Variants in CDH1 observed in about 807,000 individuals in gnomAD.
CDH1 encodes the protein cadherin 1, also known as cadherin-1.
CDH1 carries 35 observed loss-of-function variants against 84.5 expected under a neutral mutation model. The observed-to-expected ratio is 0.41, with a 90% confidence interval of 0.32 to 0.55. The LOEUF (loss-of-function observed/expected upper bound fraction) is 0.55, where lower values mean the gene tolerates loss of function less well. CDH1 is among the 20% of genes least tolerant of loss of function. The pLI is 0.19. For synonymous variants in CDH1, 417 were observed against 439.0 expected (o/e 0.95, Z 0.63); for missense variants, 994 against 1,126.6 (o/e 0.88, Z 1.68).
At chr16:68,760,085 TA>T (rs373875734) in intron 2 of CDH1, among the ~76,000 whole-genome samples, 158 of 100,440 alleles carry the variant, frequency 1.6e-3, no homozygotes, top group South Asian at 6.7e-3. Flanking sequence ...CATATATATA[TA>T]TTTTTTTTTT....
chr16:68,832,837 GA>G (rs892190073), intron 15 of CDH1, among the ~76,000 whole-genome samples: 1 of 151,532 alleles, frequency 6.6e-6, no homozygotes, highest in African/African-American at 2.4e-5. Flanking sequence ...AAAAGAAAAA[GA>G]AAAAAAATAC....
At chr16:68,831,940 T>C (rs1349479631) in intron 15 of CDH1, among the ~76,000 whole-genome samples, 1 of 152,134 alleles carries the variant, frequency 6.6e-6, no homozygotes, top group African/African-American at 2.4e-5. Flanking sequence ...ACTATAAAAA[T>C]AGTATGCTAA....
chr16:68,794,852 ATT>A (rs10716052), intron 2 of CDH1, among the ~76,000 whole-genome samples: 36 of 144,578 alleles, frequency 2.5e-4, no homozygotes, highest in Non-Finnish European at 2.7e-4. Flanking sequence ...ATGCCCAGCT[ATT>A]TTTTTTTTTT....
At chr16:68,757,610 TAGCCTATGAGCTTCTCTTAG>T (rs1174785135) in intron 2 of CDH1, among the ~76,000 whole-genome samples, 2 of 152,204 alleles carry the variant, frequency 1.3e-5, no homozygotes, top group Non-Finnish European at 2.9e-5. Context: ...ATTTCTCTTT[TAGCCTATGAGCTTCTCTTAG>T]AGAAGATGAA....
chr16:68,796,801 A>G (rs62055764), intron 2 of CDH1, among the ~76,000 whole-genome samples: 2,458 of 152,260 alleles, frequency 0.016, 30 homozygotes, highest in South Asian at 0.088. Context: ...TAACAGGCCA[A>G]GTAATACAAG....
chr16:68,801,065 G>A (rs1302597887), intron 2 of CDH1, among the ~76,000 whole-genome samples: 1 of 151,800 alleles, frequency 6.6e-6, no homozygotes, highest in Non-Finnish European at 1.5e-5. Context: ...TTCAACCACA[G>A]CTTCTCCAGT....
intron 14 of CDH1, 68 bp downstream of exon 14, chr16:68,828,372 A>T: frequency 6.4e-7 from 1 of 1,553,426 alleles, no homozygotes; most frequent in Non-Finnish European, 8.9e-7. Flanking sequence ...GATTAGTAAG[A>T]GGTAGGCATT....
rs150251983 is a variant in CDH1 at position 68,799,812 on chromosome 16, A to C, written c.164-1858A>C. On this transcript the variant is annotated intron_variant, in intron 2 of 15. Coordinates refer to ENST00000261769, the MANE Select transcript of CDH1 (RefSeq NM_004360.5). Reference sequence around the variant, plus strand: ...TGGATCACCTGAGGTCAGGAGTTTGAGACCAGCCTGGACAACATGGTGAAA... The same window carrying C: ...TGGATCACCTGAGGTCAGGAGTTTGCGACCAGCCTGGACAACATGGTGAAA... 5.5e-3 allele frequency among the ~76,000 whole-genome samples: 843 copies of C among 152,214 alleles called. 6 individuals are homozygous for C. The highest frequency in any genetic ancestry group is 0.02 in the African/African-American group (814 of 41,494).
At chr16:68,795,861 C>A (rs1183848687) in intron 2 of CDH1, among the ~76,000 whole-genome samples, 1 of 151,452 alleles carries the variant, frequency 6.6e-6, no homozygotes, top group African/African-American at 2.4e-5. Flanking sequence ...TTCAAATGGT[C>A]TTTGAATAAA....
intron 2 of CDH1, among the ~76,000 whole-genome samples, chr16:68,762,395 C>T (rs1431705415): frequency 6.6e-6 from 1 of 152,134 alleles, no homozygotes; most frequent in Non-Finnish European, 1.5e-5. Context: ...CAGCATTAAG[C>T]CTGGCATGTA....
intron 2 of CDH1, among the ~76,000 whole-genome samples, chr16:68,743,344 TTTCTTTCTTTCTTTCTTTC>T (rs1313121978): frequency 2.7e-4 from 13 of 48,728 alleles, no homozygotes; most frequent in African/African-American, 9.1e-4. Context: ...TCTTTCTTTC[TTTCTTTCTTTCTTTCTTTC>T]TTTTCTTTTC....
chr16:68,776,497 A>G (rs1959736070), intron 2 of CDH1, among the ~76,000 whole-genome samples: 1 of 152,164 alleles, frequency 6.6e-6, no homozygotes, highest in Admixed American at 6.5e-5. Flanking sequence ...CTGCACTATA[A>G]TATTTTACTT....
intron 2 of CDH1, among the ~76,000 whole-genome samples, chr16:68,782,406 A>G (rs542049260): frequency 3.0e-4 from 46 of 152,354 alleles, no homozygotes; most frequent in African/African-American, 9.6e-4. Context: ...AGCTTACCAC[A>G]TACAAACTCT....
chr16:68,819,384 A>G lies in CDH1; in HGVS notation c.1670A>G (p.Lys557Arg), dbSNP rs1173188736. Residue 557 changes from lysine (K) to arginine (R), a missense_variant, in exon 11 of 16, where the codon AAG (lysine) becomes AGG (arginine). Physicochemically the swap from Lys to Arg is conservative, Grantham distance 26. Transcript: ENST00000261769. ...GACAGGGAGGATTTTGAGCACGTGA[A>G]GAACAGCACGTACACAGCCCTAATC... ...ELDREDFEHV[K>R]NSTYTALIIA... is the part of the protein sequence containing the mutation. The G allele has an allele frequency of 8.7e-6, 14 of 1,614,000 alleles. No individual in the cohort carries two copies. Among genetic ancestry groups the G allele is most frequent in the Non-Finnish European group, 1.1e-5 (13 of 1,180,028 alleles).
intron 6 of CDH1, 137 bp from the exon 7 acceptor site, chr16:68,811,546 CT>C: frequency 1.3e-6 from 1 of 741,108 alleles, no homozygotes; most frequent in Non-Finnish European, 2.4e-6. Flanking sequence ...GGTAAGAATT[CT>C]AGGAATTAGG....
At chr16:68,804,996 ATTTT>A (rs71148951) in intron 3 of CDH1, among the ~76,000 whole-genome samples, 2 of 89,692 alleles carry the variant, frequency 2.2e-5, no homozygotes, top group African/African-American at 9.6e-5. Context: ...TGCCCAGCTA[ATTTT>A]TTTTTTTTTT....
chr16:68,769,454 CA>C (rs1216744015), intron 2 of CDH1, among the ~76,000 whole-genome samples: 1 of 142,828 alleles, frequency 7.0e-6, no homozygotes, highest in African/African-American at 2.6e-5. Context: ...AAACCCTCTG[CA>C]AATGGAATTT....
chr16:68,829,884 A>G (rs769337460), intron 15 of CDH1, 87 bp downstream of exon 15: 51 of 1,366,688 alleles, frequency 3.7e-5, no homozygotes, highest in African/African-American at 1.6e-4. Flanking sequence ...GAGTCTTTAG[A>G]TTCTTTCCTT....
chr16:68,782,735 C>T (rs892325708), intron 2 of CDH1, among the ~76,000 whole-genome samples: 4 of 152,122 alleles, frequency 2.6e-5, no homozygotes. Context: ...ACCGATCCTT[C>T]GCAAAGGAGT....
Sources: gnomAD v4.1 joint callset for allele counts (sites outside exome capture counted in the v4.1 genomes callset) on GRCh38, gnomAD v4.1.1 for gene constraint, MANE v1.5 for transcripts, NCBI Gene and HGNC (gene_info 2026-07-23, HGNC 2026-07-21) for gene names.